RARB: variants seen among roughly 807,000 people sequenced by gnomAD.
RARB encodes HBV-activated protein.
A neutral mutation model predicts 51.9 loss-of-function variants in RARB; 17 were observed. The observed-to-expected ratio is 0.33, with a 90% CI of 0.22 to 0.49. The LOEUF is 0.49. Among genes scored for constraint, RARB ranks in the 20% least tolerant of loss-of-function variants. The probability of loss-of-function intolerance (pLI) is 0.99; values close to 1 mark genes in which losing one functional copy is unlikely to be tolerated. For synonymous variants in RARB, 215 were observed against 195.4 expected (o/e 1.10, Z -0.84); for missense variants, 369 against 550.8 (o/e 0.67, Z 3.30).
chr3:24,985,301 C>G (rs1696763853), intron 2 of RARB, among the ~76,000 whole-genome samples: 1 of 151,650 alleles, frequency 6.6e-6, no homozygotes, highest in Admixed American at 6.6e-5. Context: ...AGCAATCGGA[C>G]TTACACTGCT....
At chr3:25,509,630 C>T (rs1697789316) in intron 3 of RARB, among the ~76,000 whole-genome samples, 1 of 152,178 alleles carries the variant, frequency 6.6e-6, no homozygotes, top group Admixed American at 6.5e-5. Context: ...CCCAGAGATG[C>T]CGAGACATGT....
At chr3:25,372,900 C>T (rs112572053) in intron 5 of RARB, among the ~76,000 whole-genome samples, 1 of 152,054 alleles carries the variant, frequency 6.6e-6, no homozygotes, top group African/African-American at 2.4e-5. Flanking sequence ...TTGCAATATG[C>T]ATTGTAGGTA....
chr3:25,456,554 A>AT (rs35056259), intron 1 of RARB, among the ~76,000 whole-genome samples: 9,171 of 44,078 alleles, frequency 0.21, 2,695 homozygotes, highest in African/African-American at 0.24. Flanking sequence ...TATACCACTG[A>AT]TTTTTTTTTT....
chr3:25,045,618 C>G (rs1698199740), intron 2 of RARB, among the ~76,000 whole-genome samples: 1 of 152,142 alleles, frequency 6.6e-6, no homozygotes, highest in African/African-American at 2.4e-5. Flanking sequence ...TGAGACATGA[C>G]TGAACAGTTT....
intron 2 of RARB, among the ~76,000 whole-genome samples, chr3:24,940,790 C>T (rs943593845): frequency 2.6e-5 from 4 of 152,124 alleles, no homozygotes; most frequent in African/African-American, 9.7e-5. Flanking sequence ...GGATTGAGGT[C>T]GGCTTCAGTC....
chr3:25,070,071 C>T (rs540679820), intron 3 of RARB, among the ~76,000 whole-genome samples: 52 of 152,330 alleles, frequency 3.4e-4, no homozygotes, highest in African/African-American at 1.2e-3. Context: ...CCTTCCTTGG[C>T]TCTTCCTAGC....
At chr3:25,229,991 G>A (rs1388528855) in intron 5 of RARB, among the ~76,000 whole-genome samples, 1 of 152,030 alleles carries the variant, frequency 6.6e-6, no homozygotes, top group Non-Finnish European at 1.5e-5. Flanking sequence ...GAGTGGGGAA[G>A]GATCTTGAGT....
intron 2 of RARB, among the ~76,000 whole-genome samples, chr3:25,018,112 G>C (rs1037111203): frequency 6.6e-6 from 1 of 152,188 alleles, no homozygotes; most frequent in Non-Finnish European, 1.5e-5. Context: ...AACAGACTAA[G>C]ACACTTGCAC....
intron 3 of RARB, among the ~76,000 whole-genome samples, chr3:25,549,658 AC>A (rs1370169134): frequency 6.6e-6 from 1 of 152,126 alleles, no homozygotes; most frequent in African/African-American, 2.4e-5. Context: ...GAGGGAAGTT[AC>A]CTAGAACTGG....
chr3:25,118,159 T>C lies in RARB; in HGVS notation c.-327-14002T>C, dbSNP rs554799925. On this transcript the variant is annotated intron_variant, in intron 3 of 11. Coordinates refer to the RARB transcript ENST00000383772. Reference sequence around the variant, plus strand: ...CAATAACTTTTTCTAGAGAGGACACTGTATAATGTCATGAATGGTGTCCTC... The same window carrying C: ...CAATAACTTTTTCTAGAGAGGACACCGTATAATGTCATGAATGGTGTCCTC... 6.6e-5 allele frequency among the ~76,000 whole-genome samples: 10 copies of C among 152,286 alleles called. No homozygotes were observed. In the South Asian group the frequency reaches 2.1e-3, roughly 32 times the overall value.
At chr3:25,270,071 C>T (rs1001531724) in intron 5 of RARB, among the ~76,000 whole-genome samples, 1 of 152,156 alleles carries the variant, frequency 6.6e-6, no homozygotes, top group Non-Finnish European at 1.5e-5. Context: ...ACAGAAAATG[C>T]AGCATCTTCT....
chr3:25,418,828 G>T (rs950884741), intron 5 of RARB, among the ~76,000 whole-genome samples: 1 of 151,862 alleles, frequency 6.6e-6, no homozygotes, highest in African/African-American at 2.4e-5. Context: ...ATTTCTGAAG[G>T]CAAGTTAGGG....
At chr3:25,034,934 G>C (rs1325881514) in intron 2 of RARB, among the ~76,000 whole-genome samples, 1 of 152,170 alleles carries the variant, frequency 6.6e-6, no homozygotes, top group Non-Finnish European at 1.5e-5. Flanking sequence ...GTGCTCTTCT[G>C]ATTGCCACTG....
chr3:25,582,085 G>A (rs143330109), intron 5 of RARB, among the ~76,000 whole-genome samples: 487 of 152,254 alleles, frequency 3.2e-3, no homozygotes, highest in Non-Finnish European at 4.5e-3. Flanking sequence ...GCATAAACAG[G>A]AGCCCTTAGG....
intron 5 of RARB, among the ~76,000 whole-genome samples, chr3:25,361,412 A>G (rs1191152417): frequency 6.6e-6 from 1 of 152,158 alleles, no homozygotes; most frequent in African/African-American, 2.4e-5. Flanking sequence ...GCTTCCTTGC[A>G]TTGGATTAGA....
chr3:24,992,940 C>A (rs1208495874), intron 2 of RARB, among the ~76,000 whole-genome samples: 1 of 151,924 alleles, frequency 6.6e-6, no homozygotes, highest in Non-Finnish European at 1.5e-5. Context: ...TTAAATTATT[C>A]TTTTTGTTAA....
chr3:25,042,690 C>T (rs565644076), intron 2 of RARB, among the ~76,000 whole-genome samples: 1 of 152,296 alleles, frequency 6.6e-6, no homozygotes, highest in East Asian at 1.9e-4. Flanking sequence ...ACGATGTAAT[C>T]CACTGTGTAG....
intron 5 of RARB, among the ~76,000 whole-genome samples, chr3:25,362,944 G>A (rs1358014933): frequency 6.6e-6 from 1 of 152,094 alleles, no homozygotes; most frequent in Non-Finnish European, 1.5e-5. Flanking sequence ...ACAGAGCTTA[G>A]ATTTTATGGC....
At chr3:25,068,530 T>G (rs908037645) in intron 3 of RARB, among the ~76,000 whole-genome samples, 1 of 152,216 alleles carries the variant, frequency 6.6e-6, no homozygotes, top group Non-Finnish European at 1.5e-5. Flanking sequence ...GTGAGTCTGG[T>G]AACTACTGTT....
Sources: allele counts gnomAD v4.1 joint callset (sites outside exome capture counted in the v4.1 genomes callset), GRCh38; gene constraint gnomAD v4.1.1; transcripts MANE v1.5; gene names NCBI Gene and HGNC (gene_info 2026-07-23, HGNC 2026-07-21).